Variants in PIGL observed in about 807,000 individuals in gnomAD.
The protein encoded by PIGL is phosphatidylinositol glycan anchor biosynthesis class L.
In PIGL, 22 loss-of-function variants were observed where a neutral mutation model predicts 31.1. That is an observed-to-expected ratio of 0.71 (90% CI 0.51 to 1.01). The LOEUF is 1.01. Among genes scored for constraint, PIGL ranks in the 50% least tolerant of loss-of-function variants. The pLI is 0.00. For missense variants in PIGL, 302 were observed against 315.9 expected (o/e 0.96, Z 0.33); for synonymous variants, 131 against 117.4 (o/e 1.12, Z -0.75).
At chr17:16,302,749 G>A (rs762501096) in intron 3 of PIGL, among the ~76,000 whole-genome samples, 6 of 151,864 alleles carry the variant, frequency 4.0e-5, no homozygotes, top group East Asian at 1.9e-4. Flanking sequence ...ACAGGTGCGC[G>A]CCACCACGCC....
intron 1 of PIGL, 60 bp downstream of exon 1, chr17:16,217,521 C>T: frequency 1.3e-5 from 17 of 1,332,424 alleles, no homozygotes; most frequent in Non-Finnish European, 1.8e-5. Flanking sequence ...TAAGTGCTAA[C>T]CGATCTCAGT....
intron 6 of PIGL, among the ~76,000 whole-genome samples, chr17:16,321,923 C>T (rs1296195200): frequency 1.3e-5 from 2 of 150,914 alleles, no homozygotes; most frequent in East Asian, 3.9e-4. Flanking sequence ...TAGCTGGGAT[C>T]ACAGGCACAC....
intron 6 of PIGL, among the ~76,000 whole-genome samples, chr17:16,324,569 G>A (rs2093119391): frequency 6.6e-6 from 1 of 152,098 alleles, no homozygotes. Flanking sequence ...ATGTTGGTCA[G>A]GCTGGTCTCG....
chr17:16,296,751 C>T (rs1289420576), intron 2 of PIGL, among the ~76,000 whole-genome samples: 6 of 151,382 alleles, frequency 4.0e-5, no homozygotes, highest in Non-Finnish European at 7.4e-5. Flanking sequence ...AAGTCTCGCT[C>T]TGTTGCCCAG....
intron 1 of PIGL, chr17:16,218,155 A>C (rs1233940831): frequency 6.6e-6 from 1 of 152,226 alleles, no homozygotes; most frequent in African/African-American, 2.4e-5. Context: ...TACACATACA[A>C]TGGGTGAATT....
chr17:16,220,121 G>A (rs887546330), intron 1 of PIGL, among the ~76,000 whole-genome samples: 12 of 151,924 alleles, frequency 7.9e-5, no homozygotes, highest in Non-Finnish European at 1.5e-4. Context: ...AGGCCGAGGC[G>A]GGCAGATCAT....
chr17:16,235,139 C>T (rs1230668575), intron 2 of PIGL, among the ~76,000 whole-genome samples: 2 of 152,142 alleles, frequency 1.3e-5, no homozygotes, highest in African/African-American at 4.8e-5. Context: ...TTTCATCTAG[C>T]TACAGACAGC....
At chr17:16,298,474 C>G (rs2092991699) in intron 2 of PIGL, among the ~76,000 whole-genome samples, 1 of 152,140 alleles carries the variant, frequency 6.6e-6, no homozygotes, top group Non-Finnish European at 1.5e-5. Flanking sequence ...TAGATCAAAG[C>G]ACAGAAAAGA....
In PIGL at chr17:16,316,989, G is replaced by A. The variant is rs940710657; in HGVS notation, c.526+277G>A. On this transcript the variant is annotated intron_variant, in intron 5 of 6. Transcript: ENST00000225609. The stretch of plus-strand genomic sequence containing the variant: ...ACAGGGTGGATGTTTTACACCTCTG[G>A]TATTCTTCCAGTCTGAACTCAATCC... 7.0e-5 allele frequency: 86 copies of A among 1,226,752 alleles called. 1 individual carries two copies. Among genetic ancestry groups the A allele is most frequent in the South Asian group, 2.4e-4 (11 of 45,546 alleles). The allele number at this position is 1,226,752 out of a possible 1,614,324, so 76.0% of individuals were successfully genotyped here. A position where few individuals can be genotyped will look rare whatever the true frequency, so the allele number is the denominator to read the frequency against.
At chr17:16,217,627 T>A in intron 1 of PIGL, 166 bp downstream of exon 1, 2 of 523,082 alleles carry the variant, frequency 3.8e-6, no homozygotes, top group South Asian at 3.3e-5. Flanking sequence ...AGCGGCCGGC[T>A]TACCTGGTGG....
intron 1 of PIGL, among the ~76,000 whole-genome samples, chr17:16,222,762 A>T (rs1247400946): frequency 6.6e-6 from 1 of 151,678 alleles, no homozygotes; most frequent in Non-Finnish European, 1.5e-5. Flanking sequence ...CAGTAATCCC[A>T]GCACTTTGGG....
chr17:16,231,006 G>A (rs918144241), intron 1 of PIGL, among the ~76,000 whole-genome samples: 15 of 150,240 alleles, frequency 1.0e-4, no homozygotes, highest in Middle Eastern at 3.4e-3. Flanking sequence ...AAAACTTCCC[G>A]GGTTGGAGTG....
intron 2 of PIGL, among the ~76,000 whole-genome samples, chr17:16,253,231 A>T (rs1330142069): frequency 1.3e-5 from 2 of 152,022 alleles, no homozygotes; most frequent in Non-Finnish European, 2.9e-5. Flanking sequence ...TCCAGCCTGG[A>T]CAACACGAGG....
intron 3 of PIGL, among the ~76,000 whole-genome samples, chr17:16,307,679 A>G (rs1213210836): frequency 6.6e-6 from 1 of 152,210 alleles, no homozygotes; most frequent in Admixed American, 6.5e-5. Context: ...TCAAAAAAAA[A>G]AGTTTGGCTG....
chr17:16,292,032 CTTTTT>C (rs35568368), intron 2 of PIGL, among the ~76,000 whole-genome samples: 2 of 122,250 alleles, frequency 1.6e-5, no homozygotes, highest in African/African-American at 2.9e-5. Flanking sequence ...TAATGGAGCT[CTTTTT>C]TTTTTTTTTT....
intron 2 of PIGL, among the ~76,000 whole-genome samples, chr17:16,253,103 G>A (rs1284356656): frequency 6.6e-6 from 1 of 151,978 alleles, no homozygotes; most frequent in African/African-American, 2.4e-5. Flanking sequence ...TGGCTGAGGC[G>A]GGTGGATCAC....
intron 6 of PIGL, among the ~76,000 whole-genome samples, chr17:16,323,759 G>A (rs2093115964): frequency 6.8e-6 from 1 of 146,340 alleles, no homozygotes; most frequent in African/African-American, 2.5e-5. Flanking sequence ...ATTACAGACA[G>A]GCCGGCACCA....
At chr17:16,262,081 G>A (rs1349510614) in intron 2 of PIGL, among the ~76,000 whole-genome samples, 1 of 151,840 alleles carries the variant, frequency 6.6e-6, no homozygotes, top group East Asian at 2.0e-4. Context: ...AAATTAGCCG[G>A]GTGTGGTGGT....
intron 2 of PIGL, among the ~76,000 whole-genome samples, chr17:16,270,224 G>A (rs2092864861): frequency 1.3e-5 from 2 of 151,806 alleles, no homozygotes; most frequent in South Asian, 4.2e-4. Flanking sequence ...AGGAGGCGGA[G>A]GTTGCAGTGA....
Sources: allele counts gnomAD v4.1 joint callset (sites outside exome capture counted in the v4.1 genomes callset), GRCh38; gene constraint gnomAD v4.1.1; transcripts MANE v1.5; gene names NCBI Gene and HGNC (gene_info 2026-07-23, HGNC 2026-07-21).